Variants in ASXL3 observed in about 807,000 individuals in gnomAD.
The protein encoded by ASXL3 is ASXL transcriptional regulator 3.
A neutral mutation model predicts 170.6 loss-of-function variants in ASXL3; 34 were observed. The observed-to-expected ratio is 0.20, with a 90% CI of 0.15 to 0.27. The LOEUF (loss-of-function observed/expected upper bound fraction) is 0.27, where lower values mean the gene tolerates loss of function less well. Among genes scored for constraint, ASXL3 ranks in the 10% least tolerant of loss-of-function variants. The pLI, the probability that ASXL3 is intolerant of heterozygous loss-of-function variation, is 1.00. For synonymous variants in ASXL3, 1,002 were observed against 989.1 expected, an observed-to-expected ratio of 1.01 and a Z score of -0.24; for missense variants, 2,592 against 2,695.3, an observed-to-expected ratio of 0.96 and a Z score of 0.85.
chr18:33,641,300 A>C (rs2065842710), intron 2 of ASXL3, among the ~76,000 whole-genome samples: 1 of 152,048 alleles, frequency 6.6e-6, no homozygotes, highest in Non-Finnish European at 1.5e-5. Flanking sequence ...AGTTTAAATT[A>C]TGCCTGCTCC....
intron 2 of ASXL3, chr18:33,609,122 T>C: frequency 1.1e-6 from 1 of 947,486 alleles, no homozygotes; most frequent in Non-Finnish European, 1.3e-6. Context: ...GATCCTATTT[T>C]AACCCGGATG....
chr18:33,646,651 A>G (rs1453459837), intron 4 of ASXL3, among the ~76,000 whole-genome samples: 2 of 151,840 alleles, frequency 1.3e-5, no homozygotes, highest in African/African-American at 2.4e-5. Context: ...GGGGGCATCT[A>G]GTGGTTTCAT....
Position 33,748,341 on chromosome 18 carries a change from C to T in ASXL3, c.*1746C>T, listed in dbSNP as rs1484869084. ...TTTCTCCGTATTTATTGTGATGTTGCCAAATTTCTTTCTTTAGGTGATAGA... is the reference window on the plus strand; with the variant it reads ...TTTCTCCGTATTTATTGTGATGTTGTCAAATTTCTTTCTTTAGGTGATAGA... On this transcript the variant is annotated 3_prime_UTR_variant, in exon 12 of 12. Coordinates refer to ENST00000269197, the MANE Select transcript of ASXL3 (RefSeq NM_030632.3). The T allele has an allele frequency of 6.6e-6, 1 of 152,004 alleles. No homozygotes were observed. Among genetic ancestry groups the T allele is most frequent in the African/African-American group, 2.4e-5 (1 of 41,376 alleles). The allele number at this position is 152,004 out of a possible 1,614,324, so 9.4% of individuals were successfully genotyped here. A position where few individuals can be genotyped will look rare whatever the true frequency, so the allele number is the denominator to read the frequency against.
intron 2 of ASXL3, among the ~76,000 whole-genome samples, chr18:33,609,721 G>A (rs2065305459): frequency 1.3e-5 from 2 of 151,880 alleles, no homozygotes; most frequent in African/African-American, 4.8e-5. Flanking sequence ...TAAGGAAAAA[G>A]AGTCCTTTGT....
intron 8 of ASXL3, among the ~76,000 whole-genome samples, chr18:33,713,615 T>TAATA (rs932171107): frequency 1.3e-5 from 2 of 152,172 alleles, no homozygotes; most frequent in African/African-American, 4.8e-5. Flanking sequence ...AGGAAATGTT[T>TAATA]AATATTCAAA....
At chr18:33,638,154 G>A (rs936229718) in intron 2 of ASXL3, among the ~76,000 whole-genome samples, 16 of 149,440 alleles carry the variant, frequency 1.1e-4, no homozygotes, top group South Asian at 6.3e-4. Context: ...TATAATACAC[G>A]CACATAGTGT....
At position 33,681,553 on chromosome 18, in the gene ASXL3, G is replaced by C. The variant is rs114713209; in HGVS notation, c.716-1852G>C. Among the ~76,000 whole-genome samples, 588 of 151,896 alleles carry C rather than the reference G, an allele frequency of 3.9e-3. 5 individuals are homozygous for C. Among genetic ancestry groups the C allele is most frequent in the African/African-American group, 0.014 (566 of 41,446 alleles). ...TGATAATATTTCTATCCATCACACT[G>C]TAATTTCTTGGAGATAATCAATTTT... On this transcript the variant is annotated intron_variant, in intron 7 of 11. Transcript: ENST00000269197.
At chr18:33,598,999 C>T (rs1180937880) in intron 1 of ASXL3, among the ~76,000 whole-genome samples, 2 of 152,058 alleles carry the variant, frequency 1.3e-5, no homozygotes, top group Non-Finnish European at 2.9e-5. Flanking sequence ...TAAATGAACT[C>T]ATATGCATGT....
rs1234997614 is a variant in ASXL3 at position 33,578,460 on chromosome 18, CGCCGCCGCCGCCG to C, written c.-171_-159del. 0.012 allele frequency: 301 copies of C among 24,592 alleles called. 3 individuals carry two copies. Among genetic ancestry groups the C allele is most frequent in the African/African-American group, 0.036 (273 of 7,688 alleles). The allele number at this position is 24,592 out of a possible 1,614,324, so 1.5% of individuals were successfully genotyped here. ...ACCCCCTCGCTCCATCCCTCCCACC[CGCCGCCGCCGCCG>C]CCGCCGCCGCCGCCGCCGCCGCCGC... On this transcript the variant is annotated 5_prime_UTR_variant, in exon 1 of 12. Transcript: ENST00000269197.
In ASXL3 at chr18:33,734,335, G is replaced by A. The variant is rs1215721091; in HGVS notation, c.1002G>A (p.Leu334=). 1.9e-6 allele frequency: 3 copies of A among 1,605,620 alleles called. No individual in the cohort carries two copies. The highest frequency in any genetic ancestry group is 2.6e-6 in the Non-Finnish European group (3 of 1,176,372). ...AEGEFTPEMQ[L]RIRQEIEKEK... ...GAGAGTTTACCCCAGAAATGCAGTT[G>A]CGGATAAGGCAAGAAATTGAGAAGG... The change falls in exon 10 of 12, where the codon TTG becomes TTA. Residue 334 remains leucine, a synonymous_variant. Coordinates refer to ENST00000269197, the MANE Select transcript of ASXL3 (RefSeq NM_030632.3).
At position 33,750,713 on chromosome 18, in the gene ASXL3, T is replaced by C. The variant is rs1026725877; in HGVS notation, c.*4118T>C. Reference sequence around the variant, plus strand: ...ACATAACATGCATGACAAACACAGATTGGGGGCGAAGGCCCTGAACCTACA... The same window carrying C: ...ACATAACATGCATGACAAACACAGACTGGGGGCGAAGGCCCTGAACCTACA... On this transcript the variant is annotated 3_prime_UTR_variant, in exon 12 of 12. Coordinates refer to ENST00000269197, the MANE Select transcript of ASXL3 (RefSeq NM_030632.3). 3 of 152,182 alleles carry C rather than the reference T, an allele frequency of 2.0e-5. No homozygotes were observed. The highest frequency in any genetic ancestry group is 4.4e-5 in the Non-Finnish European group (3 of 68,044). The allele number at this position is 152,182 out of a possible 1,614,324, so 9.4% of individuals were successfully genotyped here. A position where few individuals can be genotyped will look rare whatever the true frequency, so the allele number is the denominator to read the frequency against.
intron 2 of ASXL3, among the ~76,000 whole-genome samples, chr18:33,612,446 A>G (rs2145133655): frequency 6.6e-6 from 1 of 152,266 alleles, no homozygotes; most frequent in South Asian, 2.1e-4. Context: ...TTTAGATTTC[A>G]TGATGTAGAA....
chr18:33,704,119 AAT>A (rs1324765238), intron 8 of ASXL3, among the ~76,000 whole-genome samples: 1 of 152,168 alleles, frequency 6.6e-6, no homozygotes, highest in African/African-American at 2.4e-5. Context: ...TGCATATTTC[AAT>A]ATGTGCTATA....
intron 1 of ASXL3, among the ~76,000 whole-genome samples, chr18:33,601,680 A>G (rs2065184235): frequency 6.6e-6 from 1 of 151,648 alleles, no homozygotes; most frequent in Non-Finnish European, 1.5e-5. Flanking sequence ...CAGGAAGAAT[A>G]TCATTAAACA....
At chr18:33,705,000 A>G (rs1366152873) in intron 8 of ASXL3, among the ~76,000 whole-genome samples, 3 of 151,864 alleles carry the variant, frequency 2.0e-5, no homozygotes, top group Non-Finnish European at 4.4e-5. Context: ...TTCTATTGAC[A>G]GGAAAGGAAA....
intron 8 of ASXL3, among the ~76,000 whole-genome samples, chr18:33,693,639 A>G (rs1251348594): frequency 1.3e-5 from 2 of 152,156 alleles, no homozygotes; most frequent in African/African-American, 2.4e-5. Flanking sequence ...AGAAAAAAGT[A>G]GTTGCTGAGA....
At chr18:33,598,086 C>A (rs1036645914) in intron 1 of ASXL3, among the ~76,000 whole-genome samples, 3 of 152,036 alleles carry the variant, frequency 2.0e-5, no homozygotes, top group African/African-American at 7.2e-5. Context: ...GTTTAGTATT[C>A]ATATGTAGGC....
At chr18:33,634,822 C>T (rs1326932491) in intron 2 of ASXL3, among the ~76,000 whole-genome samples, 1 of 152,160 alleles carries the variant, frequency 6.6e-6, no homozygotes, top group East Asian at 1.9e-4. Flanking sequence ...AGCACTCAAA[C>T]CTGGCAAGGC....
intron 7 of ASXL3, among the ~76,000 whole-genome samples, chr18:33,676,284 G>A (rs776330617): frequency 7.2e-4 from 105 of 144,902 alleles, no homozygotes; most frequent in Non-Finnish European, 5.2e-4. Context: ...TAACCTCGAC[G>A]TTCTCCTGAG....
Sources: gnomAD v4.1 joint callset for allele counts (sites outside exome capture counted in the v4.1 genomes callset) on GRCh38, gnomAD v4.1.1 for gene constraint, MANE v1.5 for transcripts, NCBI Gene and HGNC (gene_info 2026-07-23, HGNC 2026-07-21) for gene names.